Variants in RANBP2 observed in about 807,000 individuals in gnomAD.
RANBP2 encodes the protein RAN binding protein 2, also known as E3 SUMO-protein ligase RanBP2.
Under a neutral mutation model 303.6 loss-of-function variants are expected in RANBP2, and 57 were observed. The observed-to-expected ratio is 0.19, with a 90% CI of 0.15 to 0.23. The LOEUF (loss-of-function observed/expected upper bound fraction) is 0.23, where lower values mean the gene tolerates loss of function less well. Ranked by LOEUF, RANBP2 falls within the 10% of genes least tolerant of loss-of-function variation. The probability of loss-of-function intolerance (pLI) is 1.00; values close to 1 mark genes in which losing one functional copy is unlikely to be tolerated. For missense variants in RANBP2, 3,138 were observed against 3,780.8 expected, an observed-to-expected ratio of 0.83 and a Z score of 4.46; for synonymous variants, 1,167 against 1,301.5, an observed-to-expected ratio of 0.90 and a Z score of 2.23.
chr2:108,774,084 C>T (rs1440211513), intron 23 of RANBP2, among the ~76,000 whole-genome samples: 3 of 152,182 alleles, frequency 2.0e-5, no homozygotes, highest in African/African-American at 4.8e-5. Flanking sequence ...AAATTTTTAA[C>T]TATTGATACA....
Position 108,736,262 on chromosome 2 carries a change from T to G in RANBP2, c.782+13T>G, listed in dbSNP as rs369091136. 1.9e-6 allele frequency: 3 copies of G among 1,611,988 alleles called. No individual in the cohort carries two copies. The highest frequency in any genetic ancestry group is 2.5e-6 in the Non-Finnish European group (3 of 1,179,836). On this transcript the variant is annotated intron_variant, in intron 6 of 28. Transcript: ENST00000283195. The stretch of plus-strand genomic sequence containing the variant: ...AATTACTGCAAAGGTACGTTGACTT[T>G]GAGAAGAATGCTTTAGTATAAATTG...
chr2:109,367,566 G>A, the RANBP2 span, among the ~76,000 whole-genome samples: 1 of 152,218 alleles, frequency 6.6e-6, no homozygotes, highest in Non-Finnish European at 1.5e-5. Context: ...ACAGGCATGA[G>A]CCACTGTGCC....
the RANBP2 span, among the ~76,000 whole-genome samples, chr2:108,838,476 T>C: frequency 6.6e-6 from 1 of 152,184 alleles, no homozygotes; most frequent in East Asian, 1.9e-4. Context: ...AATATCTTTG[T>C]ACATGGCTTT....
At chr2:109,452,482 G>A in the RANBP2 span, among the ~76,000 whole-genome samples, 7 of 152,316 alleles carry the variant, frequency 4.6e-5, no homozygotes, top group Middle Eastern at 3.4e-3. Flanking sequence ...TCAGTGCAGC[G>A]CAGTTTCCTA....
downstream of RANBP2, chr2:108,786,996 G>C: frequency 2.0e-6 from 2 of 977,538 alleles, no homozygotes; most frequent in Non-Finnish European, 2.8e-6. Flanking sequence ...AGCCGGCCTG[G>C]GGGCGCGCAG....
At chr2:109,088,709 A>G in the RANBP2 span, among the ~76,000 whole-genome samples, 1 of 152,016 alleles carries the variant, frequency 6.6e-6, no homozygotes, top group Non-Finnish European at 1.5e-5. Flanking sequence ...ACGGGGTTTC[A>G]CCATGTTGGC....
chr2:108,771,982 T>A (rs773348745), intron 21 of RANBP2, 111 bp downstream of exon 21: 4 of 1,318,652 alleles, frequency 3.0e-6, no homozygotes, highest in Non-Finnish European at 4.3e-6. Flanking sequence ...CTAATATCCT[T>A]GCAGGTAGAT....
At chr2:109,309,397 A>G in the RANBP2 span, among the ~76,000 whole-genome samples, 1 of 144,712 alleles carries the variant, frequency 6.9e-6, no homozygotes, top group East Asian at 2.0e-4. Context: ...CTGCAAAATC[A>G]TGCCAAAATG....
chr2:109,276,661 A>G, the RANBP2 span, among the ~76,000 whole-genome samples: 1 of 152,178 alleles, frequency 6.6e-6, no homozygotes, highest in Non-Finnish European at 1.5e-5. Flanking sequence ...CTGAACTGTT[A>G]CCAGACAAAT....
the RANBP2 span, among the ~76,000 whole-genome samples, chr2:109,321,181 C>G: frequency 6.6e-6 from 1 of 152,252 alleles, no homozygotes; most frequent in African/African-American, 2.4e-5. Context: ...CTTTGCAGCT[C>G]TTCACATTCT....
At chr2:108,983,868 C>T in the RANBP2 span, among the ~76,000 whole-genome samples, 3 of 152,274 alleles carry the variant, frequency 2.0e-5, no homozygotes, top group South Asian at 4.1e-4. Context: ...AGAGCCACTG[C>T]GTCCCCACTC....
the RANBP2 span, among the ~76,000 whole-genome samples, chr2:109,574,152 CCAGGCGCTGGG>C: frequency 5.9e-4 from 89 of 152,076 alleles, no homozygotes; most frequent in African/African-American, 2.1e-3. Flanking sequence ...TTAAAGATTT[CCAGGCGCTGGG>C]CATGGTGGCT....
chr2:109,482,559 A>G, the RANBP2 span, among the ~76,000 whole-genome samples: 1 of 151,602 alleles, frequency 6.6e-6, no homozygotes, highest in Non-Finnish European at 1.5e-5. Flanking sequence ...ATCCAAACCC[A>G]CTCCCGCGCC....
the RANBP2 span, among the ~76,000 whole-genome samples, chr2:109,546,984 G>T: frequency 2.4e-4 from 37 of 152,288 alleles, no homozygotes; most frequent in African/African-American, 7.9e-4. Flanking sequence ...GCAGATACAG[G>T]AAAGCTCTCT....
chr2:108,755,754 C>T lies in RANBP2; in HGVS notation c.2466+495C>T, dbSNP rs527528880. On this transcript the variant is annotated intron_variant, in intron 17 of 28. Transcript: ENST00000283195. ...TTTGTTTTGTTTTGAGATGGAGTCT[C>T]ACTCTGTTGCCCAGTCTGGAGTGCA... 4.6e-5 allele frequency among the ~76,000 whole-genome samples: 7 copies of T among 152,064 alleles called. No homozygotes were observed. The East Asian group carries it at 5.8e-4, about 13-fold the overall frequency.
At chr2:109,677,530 C>CAA in the RANBP2 span, among the ~76,000 whole-genome samples, 1 of 152,172 alleles carries the variant, frequency 6.6e-6, no homozygotes, top group South Asian at 2.1e-4. Flanking sequence ...AGAATGTTTA[C>CAA]TGAAGCTGTA....
At chr2:108,755,632 ATCC>A (rs1676250500) in intron 17 of RANBP2, among the ~76,000 whole-genome samples, 2 of 151,466 alleles carry the variant, frequency 1.3e-5, no homozygotes, top group Non-Finnish European at 2.9e-5. Flanking sequence ...GGCTCAAAGA[ATCC>A]TCCTGCTTCA....
chr2:108,831,721 C>CTTCCTTCCTTCCTTCCTTCCTTCT, the RANBP2 span, among the ~76,000 whole-genome samples: 1 of 151,814 alleles, frequency 6.6e-6, no homozygotes, highest in South Asian at 2.1e-4. Flanking sequence ...TCCTTCCTTC[C>CTTCCTTCCTTCCTTCCTTCCTTCT]TTCCTTCCTT....
the RANBP2 span, chr2:109,605,603 G>A: frequency 6.6e-6 from 1 of 152,128 alleles, no homozygotes; most frequent in African/African-American, 2.4e-5. Flanking sequence ...CAGAATACCT[G>A]AGGATAAGCT....
Sources: gnomAD v4.1 joint callset for allele counts (sites outside exome capture counted in the v4.1 genomes callset) on GRCh38, gnomAD v4.1.1 for gene constraint, MANE v1.5 for transcripts, NCBI Gene and HGNC (gene_info 2026-07-23, HGNC 2026-07-21) for gene names.